TRIM2: variants seen among roughly 807,000 people sequenced by gnomAD.
TRIM2 encodes tripartite motif-containing protein 2.
In TRIM2, 20 loss-of-function variants were observed where a neutral mutation model predicts 75.2. The ratio of observed to expected loss-of-function variants is 0.27; its 90% confidence interval spans 0.19 to 0.39. TRIM2 has a LOEUF of 0.39. TRIM2 is among the 10% of genes least tolerant of loss of function. The probability of loss-of-function intolerance (pLI) is 1.00; values close to 1 mark genes in which losing one functional copy is unlikely to be tolerated. For missense variants in TRIM2, 660 were observed against 990.8 expected, an observed-to-expected ratio of 0.67 and a Z score of 4.48; for synonymous variants, 373 against 388.3, an observed-to-expected ratio of 0.96 and a Z score of 0.46.
At chr4:153,234,393 C>G (rs1478998074) in intron 1 of TRIM2, among the ~76,000 whole-genome samples, 1 of 152,118 alleles carries the variant, frequency 6.6e-6, no homozygotes, top group African/African-American at 2.4e-5. Context: ...TGAGTTGCAG[C>G]CAGTTTACTG....
chr4:153,231,409 C>T lies in TRIM2; in HGVS notation c.30+26849C>T, dbSNP rs76956712. Among the ~76,000 whole-genome samples, 93 of 152,066 alleles carry T rather than the reference C, an allele frequency of 6.1e-4. No individual in the cohort carries two copies. The East Asian group carries it at 0.016, about 26-fold the overall frequency. On this transcript the variant is annotated intron_variant, in intron 1 of 11. Coordinates refer to ENST00000338700, the MANE Select transcript of TRIM2 (RefSeq NM_015271.5). Reference sequence around the variant, plus strand: ...TGAGGAAGAGGGACTAAAGTTAGAACTTAAAGAATGTGCAAGATTTAGATG... The same window carrying T: ...TGAGGAAGAGGGACTAAAGTTAGAATTTAAAGAATGTGCAAGATTTAGATG...
intron 1 of TRIM2, among the ~76,000 whole-genome samples, chr4:153,194,266 T>A (rs1282818200): frequency 6.6e-6 from 1 of 152,206 alleles, no homozygotes; most frequent in Non-Finnish European, 1.5e-5. Flanking sequence ...TATTCATCGA[T>A]TAAAACTTCT....
chr4:153,318,095 C>G (rs1354957542), intron 8 of TRIM2, among the ~76,000 whole-genome samples: 1 of 152,184 alleles, frequency 6.6e-6, no homozygotes, highest in Non-Finnish European at 1.5e-5. Flanking sequence ...AAAATGAAGT[C>G]TTGTTTGGTC....
At position 153,239,360 on chromosome 4, in the gene TRIM2, A is replaced by G. The variant is rs560776216; in HGVS notation, c.31-30975A>G. ...CAGCGTGACTCCGTCTCAAAAAAAA[A>G]AAAAAAAGAACTCTGGCTTTGATAG... On this transcript the variant is annotated intron_variant, in intron 1 of 11. Coordinates refer to ENST00000338700, the MANE Select transcript of TRIM2 (RefSeq NM_015271.5). Among the ~76,000 whole-genome samples, 171 of 152,266 alleles carry G rather than the reference A, an allele frequency of 1.1e-3. 1 individual carries two copies. The highest frequency in any genetic ancestry group is 4.1e-3 in the African/African-American group (169 of 41,550).
At chr4:153,290,330 C>T (rs553593744) in intron 3 of TRIM2, among the ~76,000 whole-genome samples, 10 of 152,278 alleles carry the variant, frequency 6.6e-5, no homozygotes, top group African/African-American at 1.4e-4. Flanking sequence ...GCTGACACTG[C>T]GTATAGTTTT....
upstream of TRIM2, among the ~76,000 whole-genome samples, chr4:153,200,749 ATG>A (rs1266422995): frequency 7.0e-6 from 1 of 142,980 alleles, no homozygotes; most frequent in African/African-American, 2.6e-5. Context: ...ATATATATAT[ATG>A]GCTATCCTAG....
chr4:153,229,738 G>A (rs190241555), intron 1 of TRIM2, among the ~76,000 whole-genome samples: 171 of 152,334 alleles, frequency 1.1e-3, no homozygotes, highest in African/African-American at 3.6e-3. Flanking sequence ...CCATCTGCAC[G>A]GAAGCTGGTT....
In TRIM2 at chr4:153,336,265, A is replaced by C. The variant is rs1579857531; in HGVS notation, c.*1299A>C. 1 of 985,430 alleles carries C rather than the reference A, an allele frequency of 1.0e-6. No individual in the cohort carries two copies. Among genetic ancestry groups the C allele is most frequent in the East Asian group, 1.1e-4 (1 of 8,824 alleles). 61.0% of individuals were successfully genotyped at this position (985,430 alleles called of 1,614,324 possible). A position where few individuals can be genotyped will look rare whatever the true frequency, so the allele number is the denominator to read the frequency against. ...AGTTTAAAGCCGTCCTAGTGGAGCA[A>C]GCCCTAAAGCAGATTTAATTTTTGC... is the stretch of plus-strand genomic sequence containing the variant. On this transcript the variant is annotated 3_prime_UTR_variant, in exon 12 of 12. Coordinates refer to ENST00000338700, the MANE Select transcript of TRIM2 (RefSeq NM_015271.5).
chr4:153,234,385 A>G (rs888372857), intron 1 of TRIM2, among the ~76,000 whole-genome samples: 2 of 152,220 alleles, frequency 1.3e-5, no homozygotes, highest in Non-Finnish European at 2.9e-5. Flanking sequence ...CAAGTTAGTG[A>G]GTTGCAGCCA....
At chr4:153,234,364 G>A (rs953530806) in intron 1 of TRIM2, among the ~76,000 whole-genome samples, 9 of 152,174 alleles carry the variant, frequency 5.9e-5, no homozygotes, top group African/African-American at 7.2e-5. Flanking sequence ...CTTCATGAGC[G>A]GGTTGTGAAT....
At chr4:153,246,889 T>C (rs1297113268) in intron 1 of TRIM2, among the ~76,000 whole-genome samples, 2 of 152,218 alleles carry the variant, frequency 1.3e-5, no homozygotes, top group African/African-American at 2.4e-5. Context: ...CTGCCTCTGG[T>C]GGCCTTGTGG....
At position 153,338,591 on chromosome 4, in the gene TRIM2, G is replaced by A. The variant is rs1772722150; in HGVS notation, c.*3625G>A. 3.0e-6 allele frequency: 3 copies of A among 984,646 alleles called. No homozygotes were observed. The highest frequency in any genetic ancestry group is 9.4e-5 in the South Asian group (2 of 21,262). 61.0% of individuals were successfully genotyped at this position (984,646 alleles called of 1,614,324 possible). On this transcript the variant is annotated 3_prime_UTR_variant, in exon 12 of 12. Transcript: ENST00000338700. The stretch of plus-strand genomic sequence containing the variant: ...AGTATTGCCATAAAGGAAACTAAGT[G>A]CCCATCAAAGATTTGTTTGGTATAA...
intron 1 of TRIM2, among the ~76,000 whole-genome samples, chr4:153,184,185 TGTCTTCAACAACAGAA>T (rs1327102357): frequency 2.0e-5 from 3 of 152,136 alleles, no homozygotes; most frequent in African/African-American, 7.2e-5. Context: ...ATGGACTGGG[TGTCTTCAACAACAGAA>T]ATTTATTTTC....
intron 1 of TRIM2, among the ~76,000 whole-genome samples, chr4:153,193,866 G>T (rs115247964): frequency 0.026 from 4,012 of 152,252 alleles, 68 homozygotes; most frequent in Non-Finnish European, 0.041. Flanking sequence ...ATCCAAGTGT[G>T]GGAGAGACGA....
rs1769302814 is a variant in TRIM2 at position 153,322,826 on chromosome 4, A to G, written c.1951+10A>G. 6.2e-7 allele frequency: 1 copy of G among 1,614,124 alleles called. No homozygotes were observed. The highest frequency in any genetic ancestry group is 8.5e-7 in the Non-Finnish European group (1 of 1,180,030). ...GACAGGCAGTTTGCAGGTACACTCG[A>G]TGGTAATATGTAAACCCCCTTTTTT... On this transcript the variant is annotated intron_variant, in intron 9 of 11. Transcript: ENST00000338700.
chr4:153,164,808 C>T (rs972205759), intron 1 of TRIM2, among the ~76,000 whole-genome samples: 17 of 152,290 alleles, frequency 1.1e-4, no homozygotes, highest in Admixed American at 3.9e-4. Flanking sequence ...ACTTATAGTA[C>T]AAGTCTTGAT....
At position 153,166,518 on chromosome 4, in the gene TRIM2, C is replaced by CTTCCTTCCTTCCTTCT. The variant is rs145829413; in HGVS notation, c.-49+13263_-49+13264insTTTCCTTCCTTCCTTC. On this transcript the variant is annotated intron_variant, in intron 1 of 11. Transcript: ENST00000437508. ...TTCCCTCCCTCCCTCTTTTCTTTTC[C>CTTCCTTCCTTCCTTCT]TTCCTTCCTTCCTTCCTTTTCTCTC... is the stretch of plus-strand genomic sequence containing the variant. Among the ~76,000 whole-genome samples, 437 of 138,944 alleles carry CTTCCTTCCTTCCTTCT rather than the reference C, an allele frequency of 3.1e-3. 3 individuals are homozygous for CTTCCTTCCTTCCTTCT. The highest frequency in any genetic ancestry group is 0.011 in the African/African-American group (406 of 37,852). 91.2% of individuals were successfully genotyped at this position (138,944 alleles called of 152,430 possible).
chr4:153,264,525 GTC>G (rs149789172), intron 1 of TRIM2, among the ~76,000 whole-genome samples: 12,837 of 152,202 alleles, frequency 0.084, 709 homozygotes, highest in Middle Eastern at 0.13. Context: ...GGTAAGAAGG[GTC>G]TCTGACAATT....
chr4:153,277,211 C>CTGTT (rs1758222080), intron 3 of TRIM2, among the ~76,000 whole-genome samples: 1 of 152,224 alleles, frequency 6.6e-6, no homozygotes. Context: ...CCTGGCTGTT[C>CTGTT]TGTTCCTTCT....
Sources: gnomAD v4.1 joint callset for allele counts (sites outside exome capture counted in the v4.1 genomes callset) on GRCh38, gnomAD v4.1.1 for gene constraint, MANE v1.5 for transcripts, NCBI Gene and HGNC (gene_info 2026-07-23, HGNC 2026-07-21) for gene names.